RC3H1: variants seen among roughly 807,000 people sequenced by gnomAD.
The protein encoded by RC3H1 is ring finger and CCCH-type domains 1, also known as roquin-1.
Under a neutral mutation model 138.2 loss-of-function variants are expected in RC3H1, and 50 were observed. That is an observed-to-expected ratio of 0.36 (90% CI 0.29 to 0.46). The LOEUF is 0.46. RC3H1 is among the 20% of genes least tolerant of loss of function. The probability of loss-of-function intolerance (pLI) is 1.00; values close to 1 mark genes in which losing one functional copy is unlikely to be tolerated. For synonymous variants in RC3H1, 462 were observed against 489.1 expected, an observed-to-expected ratio of 0.94 and a Z score of 0.73; for missense variants, 1,031 against 1,388.1, an observed-to-expected ratio of 0.74 and a Z score of 4.09.
At chr1:174,018,874 T>C (rs1661910110) in intron 1 of RC3H1, among the ~76,000 whole-genome samples, 1 of 152,194 alleles carries the variant, frequency 6.6e-6, no homozygotes, top group African/African-American at 2.4e-5. Flanking sequence ...ATTTTCAAGA[T>C]ATATGCAAGA....
chr1:173,951,011 C>T (rs1451824389), intron 14 of RC3H1, among the ~76,000 whole-genome samples: 1 of 151,102 alleles, frequency 6.6e-6, no homozygotes. Flanking sequence ...TGACAAAGAT[C>T]GATCCTATCT....
chr1:173,965,169 A>AC (rs1355697258), intron 9 of RC3H1, 49 bp from the exon 10 acceptor site: 1 of 1,489,812 alleles, frequency 6.7e-7, no homozygotes, highest in East Asian at 2.3e-5. Context: ...TAAAAGCAAA[A>AC]CCAAGAACTA....
Position 173,943,431 on chromosome 1 carries a change from A to C in RC3H1, c.3135+11T>G, listed in dbSNP as rs747781514. 1 of 1,607,498 alleles carries C rather than the reference A, an allele frequency of 6.2e-7. No homozygotes were observed. Among genetic ancestry groups the C allele is most frequent in the Non-Finnish European group, 8.5e-7 (1 of 1,176,194 alleles). On this transcript the variant is annotated intron_variant, in intron 18 of 19. Coordinates refer to ENST00000367696, the MANE Select transcript of RC3H1 (RefSeq NM_172071.4). ...TTCACCTTCCCTCTCTTTCCCCACC[A>C]TAACACTCACCATACTCAGTTCCCG...
chr1:173,974,086 G>C (rs2102979989), intron 7 of RC3H1, among the ~76,000 whole-genome samples: 1 of 152,000 alleles, frequency 6.6e-6, no homozygotes, highest in African/African-American at 2.4e-5. Flanking sequence ...AAAGTGCTGG[G>C]ATTACAGGCA....
chr1:173,946,503 G>A lies in RC3H1; in HGVS notation c.2934C>T (p.Ser978=). ...LELQQLNHQI[S]QQTQLRGLEA... is the part of the protein sequence containing the mutation. ...CTAGTCCACGTAGCTGGGTCTGCTG[G>A]CTAATCTGATGGTTCAATTGCTGCA... The change falls in exon 17 of 20, where the codon AGC becomes AGT. Residue 978 remains serine, a synonymous_variant. Transcript: ENST00000367696. 1 of 1,614,092 alleles carries A rather than the reference G, an allele frequency of 6.2e-7. No individual in the cohort carries two copies.
rs933204911 is a variant in RC3H1, at chr1:173,931,112, C to T, written c.*7609G>A. The T allele has an allele frequency of 6.6e-6, 1 of 152,116 alleles. No homozygotes were observed. Among genetic ancestry groups the T allele is most frequent in the Non-Finnish European group, 1.5e-5 (1 of 68,022 alleles). The allele number at this position is 152,116 out of a possible 1,614,324, so 9.4% of individuals were successfully genotyped here. A position where few individuals can be genotyped will look rare whatever the true frequency, so the allele number is the denominator to read the frequency against. On this transcript the variant is annotated 3_prime_UTR_variant, in exon 20 of 20. Transcript: ENST00000367696. The stretch of plus-strand genomic sequence containing the variant: ...GTTTGCTCATGCAGATTAGCCATTT[C>T]TTTATTTTTCACCTAAAAAAGCCCC...
chr1:174,000,466 C>A (rs1020685160), intron 1 of RC3H1, among the ~76,000 whole-genome samples: 1 of 152,126 alleles, frequency 6.6e-6, no homozygotes, highest in Non-Finnish European at 1.5e-5. Context: ...TGAGGTTTGG[C>A]GGCATTAAGT....
chr1:174,008,976 G>GAAA (rs59047478), intron 1 of RC3H1, among the ~76,000 whole-genome samples: 21 of 84,164 alleles, frequency 2.5e-4, no homozygotes, highest in East Asian at 2.2e-3. Flanking sequence ...GACTTTGTCT[G>GAAA]AAAAAAAAAA....
intron 17 of RC3H1, among the ~76,000 whole-genome samples, chr1:173,945,467 G>A (rs777334434): frequency 8.6e-5 from 13 of 152,024 alleles, no homozygotes; most frequent in Non-Finnish European, 1.6e-4. Context: ...TAAGTGTCAG[G>A]CAGCATGATG....
At chr1:173,940,413 G>A (rs892128667) in intron 19 of RC3H1, among the ~76,000 whole-genome samples, 8 of 152,054 alleles carry the variant, frequency 5.3e-5, no homozygotes, top group African/African-American at 9.7e-5. Context: ...GGAGGTTGCC[G>A]TGAGCCGAGA....
At chr1:173,972,758 G>A (rs1166578838) in intron 7 of RC3H1, 131 bp from the exon 8 acceptor site, 1 of 638,550 alleles carries the variant, frequency 1.6e-6, no homozygotes, top group Non-Finnish European at 2.8e-6. Context: ...TTAGATAATA[G>A]CTTATTCACC....
chr1:173,960,488 T>G (rs572200203), intron 13 of RC3H1, among the ~76,000 whole-genome samples: 141 of 152,332 alleles, frequency 9.3e-4, no homozygotes, highest in Non-Finnish European at 1.7e-3. Context: ...TCAGTGTGTA[T>G]TTGATGACTA....
chr1:173,992,293 C>T (rs992333403), intron 2 of RC3H1, among the ~76,000 whole-genome samples: 2 of 152,058 alleles, frequency 1.3e-5, no homozygotes, highest in African/African-American at 4.8e-5. Flanking sequence ...TACAGGCACA[C>T]ACCACCACAC....
chr1:173,964,661 C>T (rs868180130), intron 10 of RC3H1, among the ~76,000 whole-genome samples, 178 bp downstream of exon 10: 5 of 152,002 alleles, frequency 3.3e-5, no homozygotes, highest in South Asian at 4.1e-4. Context: ...GCCACCATGC[C>T]TGGCTATGCT....
intron 1 of RC3H1, among the ~76,000 whole-genome samples, chr1:174,000,196 G>GT: frequency 6.6e-6 from 1 of 152,264 alleles, no homozygotes; most frequent in African/African-American, 2.4e-5. Context: ...TTTCAAAAAT[G>GT]TTAAGTAATA....
At chr1:174,010,864 T>C (rs1329241773) in intron 1 of RC3H1, among the ~76,000 whole-genome samples, 2 of 152,176 alleles carry the variant, frequency 1.3e-5, no homozygotes, top group East Asian at 1.9e-4. Flanking sequence ...AATAAGCATA[T>C]AGTATGTTCA....
chr1:173,977,204 G>GT (rs1660626519), intron 7 of RC3H1, among the ~76,000 whole-genome samples: 1 of 151,984 alleles, frequency 6.6e-6, no homozygotes, highest in African/African-American at 2.4e-5. Context: ...GATTACAGGC[G>GT]TAAGCCACTG....
chr1:174,009,252 C>T (rs372658062), intron 1 of RC3H1: 1 of 152,104 alleles, frequency 6.6e-6, no homozygotes, highest in East Asian at 1.9e-4. Context: ...AACAGGGACC[C>T]TGGTTAAGAA....
chr1:173,939,194 ATACT>A (rs1658725084), intron 19 of RC3H1, among the ~76,000 whole-genome samples: 2 of 152,198 alleles, frequency 1.3e-5, no homozygotes, highest in Non-Finnish European at 2.9e-5. Flanking sequence ...GTATCTTAAA[ATACT>A]TACTACCTGG....
Sources: allele counts gnomAD v4.1 joint callset (sites outside exome capture counted in the v4.1 genomes callset), GRCh38; gene constraint gnomAD v4.1.1; transcripts MANE v1.5; gene names NCBI Gene and HGNC (gene_info 2026-07-23, HGNC 2026-07-21).